The following SLC6A7 variants were observed in gnomAD, a reference collection of about 807,000 sequenced individuals.
SLC6A7 encodes the protein solute carrier family 6 member 7, also known as sodium-dependent proline transporter.
Under a neutral mutation model 73.1 loss-of-function variants are expected in SLC6A7, and 58 were observed. The observed-to-expected ratio is 0.79, with a 90% CI of 0.64 to 0.99. The LOEUF (loss-of-function observed/expected upper bound fraction) is 0.99, where lower values mean the gene tolerates loss of function less well. SLC6A7 is among the 50% of genes least tolerant of loss of function. The probability of loss-of-function intolerance (pLI) is 0.00; values close to 1 mark genes in which losing one functional copy is unlikely to be tolerated. For missense variants in SLC6A7, 783 were observed against 831.4 expected, an observed-to-expected ratio of 0.94 and a Z score of 0.72; for synonymous variants, 338 against 338.7, an observed-to-expected ratio of 1.00 and a Z score of 0.02.
rs1397525858 is a variant in SLC6A7 at position 150,190,365 on chromosome 5, G to C, written c.33+5G>C. The C allele has an allele frequency of 7.4e-6, 11 of 1,492,272 alleles. No homozygotes were observed. The highest frequency in any genetic ancestry group is 9.8e-6 in the Non-Finnish European group (11 of 1,123,128). The allele number at this position is 1,492,272 out of a possible 1,614,324, so 92.4% of individuals were successfully genotyped here. ...CAGGGAGCTCACCTCCGCAAGGTAG[G>C]GCACGAGGGCGGGGGCGCTGGGGGT... On this transcript the variant is annotated splice_donor_5th_base_variant and intron_variant, in intron 1 of 13. Transcript: ENST00000230671.
intron 1 of SLC6A7, among the ~76,000 whole-genome samples, chr5:150,194,356 G>A (rs1752917081): frequency 6.6e-6 from 1 of 151,904 alleles, no homozygotes; most frequent in Non-Finnish European, 1.5e-5. Context: ...TTGAACCCGG[G>A]AGGTGGAGGT....
intron 1 of SLC6A7, among the ~76,000 whole-genome samples, chr5:150,191,506 C>T (rs1430597666): frequency 6.6e-6 from 1 of 151,474 alleles, no homozygotes; most frequent in Non-Finnish European, 1.5e-5. Context: ...TCTCGGCTCA[C>T]TGCAAGCTCT....
At chr5:150,198,097 A>C (rs1345467598) in intron 4 of SLC6A7, among the ~76,000 whole-genome samples, 3 of 108,188 alleles carry the variant, frequency 2.8e-5, no homozygotes, top group Admixed American at 2.5e-4. Flanking sequence ...GAAAGAAAGA[A>C]AGAAAGAAAG....
At position 150,204,631 on chromosome 5, in the gene SLC6A7, G is replaced by A; in HGVS notation, c.1432G>A (p.Gly478Ser). Reference protein sequence around the residue: ...TTCLAVTRVYGIQRFCRDIHM... With the variant: ...TTCLAVTRVYSIQRFCRDIHM... ...GTGCCTTGCCGTGACACGGGTGTAT[G>A]GTGAGAAGAGCCGTGGGAAGTGGAG... The change falls in exon 11 of 14, where the codon GGC (glycine) becomes AGC (serine). Residue 478 changes from glycine to serine, a missense_variant and splice_region_variant. Transcript: ENST00000230671. 1 of 1,603,794 alleles carries A rather than the reference G, an allele frequency of 6.2e-7. No individual in the cohort carries two copies. The highest frequency in any genetic ancestry group is 8.5e-7 in the Non-Finnish European group (1 of 1,170,550).
Position 150,203,820 on chromosome 5 carries a change from G to GGTGTGTGTGTGTGTGTGTGTGTGTGGT in SLC6A7, c.1201-62_1201-61insGTGTGTGTGTGTGTGTGTGTGTGTGTG, listed in dbSNP as rs1753525005. The GGTGTGTGTGTGTGTGTGTGTGTGTGGT allele has an allele frequency of 6.2e-6, 5 of 802,516 alleles. No homozygotes were observed. In the South Asian group the frequency reaches 7.8e-5, roughly 13 times the overall value. The allele number at this position is 802,516 out of a possible 1,614,324, so 49.7% of individuals were successfully genotyped here. A position where few individuals can be genotyped will look rare whatever the true frequency, so the allele number is the denominator to read the frequency against. The stretch of plus-strand genomic sequence containing the variant: ...GGCAGCAGGCACCCCGTGTGTGTGT[G>GGTGTGTGTGTGTGTGTGTGTGTGTGGT]GTGTGTGTGTGTGTGTGTGTGTGTG... On this transcript the variant is annotated intron_variant, in intron 9 of 13. Coordinates refer to ENST00000230671, the MANE Select transcript of SLC6A7 (RefSeq NM_014228.5).
chr5:150,204,175 C>A, intron 10 of SLC6A7, 137 bp downstream of exon 10: 1 of 859,760 alleles, frequency 1.2e-6, no homozygotes, highest in Non-Finnish European at 1.8e-6. Context: ...CTCCCCGGCC[C>A]TATCTCCCAA....
chr5:150,199,771 G>A (rs1202606392), intron 5 of SLC6A7, among the ~76,000 whole-genome samples: 2 of 152,138 alleles, frequency 1.3e-5, no homozygotes, highest in Non-Finnish European at 2.9e-5. Flanking sequence ...AGGCACAGCT[G>A]GGTCTAGGGG....
At chr5:150,208,711 C>G (rs191968092) in intron 13 of SLC6A7, among the ~76,000 whole-genome samples, 46 of 152,162 alleles carry the variant, frequency 3.0e-4, no homozygotes, top group Non-Finnish European at 5.7e-4. Flanking sequence ...GACACAGGGG[C>G]TCCCTCTTCT....
chr5:150,202,814 C>T, intron 8 of SLC6A7, 111 bp downstream of exon 8: 1 of 1,195,540 alleles, frequency 8.4e-7, no homozygotes, highest in East Asian at 2.6e-5. Context: ...GTGGCTCATG[C>T]CTGTGATCCC....
At chr5:150,196,969 C>G (rs1753059463) in intron 3 of SLC6A7, 73 bp from the exon 4 acceptor site, 1 of 1,536,564 alleles carries the variant, frequency 6.5e-7, no homozygotes, top group South Asian at 1.2e-5. Context: ...TAGCTGCCAG[C>G]TCCCCAGAAG....
chr5:150,198,210 C>T (rs1328480332), intron 4 of SLC6A7, among the ~76,000 whole-genome samples: 2 of 152,190 alleles, frequency 1.3e-5, no homozygotes, highest in African/African-American at 4.8e-5. Context: ...ACTAAGGACT[C>T]CTGAGTCCTG....
At position 150,204,629 on chromosome 5, in the gene SLC6A7, A is replaced by G; in HGVS notation, c.1430A>G (p.Tyr477Cys). ...ACGTGCCTTGCCGTGACACGGGTGT[A>G]TGGTGAGAAGAGCCGTGGGAAGTGG... The part of the protein sequence containing the change: ...ITTCLAVTRV[Y>C]GIQRFCRDIH... The change falls in exon 11 of 14, where the codon TAT becomes TGT. Residue 477 changes from tyrosine (Y) to cysteine (C), a missense_variant and splice_region_variant. Physicochemically the swap from Tyr to Cys is radical, Grantham distance 194. Coordinates refer to ENST00000230671, the MANE Select transcript of SLC6A7 (RefSeq NM_014228.5). 6.2e-7 allele frequency: 1 copy of G among 1,606,052 alleles called. No individual in the cohort carries two copies. Among genetic ancestry groups the G allele is most frequent in the East Asian group, 2.2e-5 (1 of 44,838 alleles).
intron 13 of SLC6A7, among the ~76,000 whole-genome samples, chr5:150,208,815 CTCCG>C (rs1753820899): frequency 6.6e-6 from 1 of 152,208 alleles, no homozygotes; most frequent in Non-Finnish European, 1.5e-5. Context: ...GTCACCCCGA[CTCCG>C]TCCATGGAAA....
At position 150,201,187 on chromosome 5, in the gene SLC6A7, T is replaced by C. The variant is rs746688263; in HGVS notation, c.822T>C (p.Tyr274=). The C allele has an allele frequency of 6.2e-7, 1 of 1,613,456 alleles. No individual in the cohort carries two copies. ...GGGCCTGGAAGGGCATCCAGTTCTA[T>C]CTCACCCCCCAGTTCCACCACTTGT... ...LPGAWKGIQF[Y]LTPQFHHLLS... Residue 274 remains tyrosine, a synonymous_variant, in exon 6 of 14, where the codon TAT becomes TAC. Coordinates refer to ENST00000230671, the MANE Select transcript of SLC6A7 (RefSeq NM_014228.5).
intron 6 of SLC6A7, 97 bp downstream of exon 6, chr5:150,201,320 C>T: frequency 4.1e-6 from 3 of 737,206 alleles, no homozygotes; most frequent in Non-Finnish European, 6.2e-6. Flanking sequence ...AGGCACTCTG[C>T]TCAGCCCTTC....
chr5:150,201,030 A>AGGAATGG, intron 5 of SLC6A7, 59 bp from the exon 6 acceptor site: 1 of 1,590,526 alleles, frequency 6.3e-7, no homozygotes, highest in Non-Finnish European at 8.6e-7. Context: ...TGAGTTTACA[A>AGGAATGG]GGAATGGCAC....
At chr5:150,197,599 T>C (rs1753100887) in intron 4 of SLC6A7, among the ~76,000 whole-genome samples, 1 of 142,484 alleles carries the variant, frequency 7.0e-6, no homozygotes, top group African/African-American at 2.5e-5. Flanking sequence ...GCTCAATAAA[T>C]ACTAGCTGAG....
chr5:150,202,274 A>G (rs530618499), intron 6 of SLC6A7, 73 bp from the exon 7 acceptor site: 2 of 1,043,124 alleles, frequency 1.9e-6, no homozygotes, highest in East Asian at 4.7e-5. Flanking sequence ...CTGTCACACC[A>G]TCTTCATTCA....
rs769040818 is a variant in SLC6A7 at position 150,197,077 on chromosome 5, G to T, written c.385G>T (p.Val129Leu). ...AGCCATGCTGCTCATCGTGGGCTTGGTGGCCATCTACTACAACATGATCAT... is the reference window on the plus strand; with the variant it reads ...AGCCATGCTGCTCATCGTGGGCTTGTTGGCCATCTACTACAACATGATCAT... ...GAAMLLIVGL[V>L]AIYYNMIIAY... Residue 129 changes from valine to leucine, a missense_variant, in exon 4 of 14, where the codon GTG (valine) becomes TTG (leucine). Coordinates refer to ENST00000230671, the MANE Select transcript of SLC6A7 (RefSeq NM_014228.5). The T allele has an allele frequency of 1.9e-6, 3 of 1,613,986 alleles. No homozygotes were observed. The highest frequency in any genetic ancestry group is 2.5e-6 in the Non-Finnish European group (3 of 1,180,020).
Sources: gnomAD v4.1 joint callset for allele counts (sites outside exome capture counted in the v4.1 genomes callset) on GRCh38, gnomAD v4.1.1 for gene constraint, MANE v1.5 for transcripts, NCBI Gene and HGNC (gene_info 2026-07-23, HGNC 2026-07-21) for gene names.